HMBOX1: variants seen among roughly 807,000 people sequenced by gnomAD.
The protein encoded by HMBOX1 is homeobox-containing protein 1.
HMBOX1 carries 14 observed loss-of-function variants against 54.5 expected under a neutral mutation model. The ratio of observed to expected loss-of-function variants is 0.26; its 90% CI spans 0.17 to 0.40. The LOEUF (loss-of-function observed/expected upper bound fraction) is 0.40. Ranked by LOEUF, HMBOX1 falls within the 10% of genes least tolerant of loss-of-function variation. The pLI is 1.00. For missense variants in HMBOX1, 332 were observed against 514.4 expected (o/e 0.65, Z 3.43); for synonymous variants, 160 against 181.0 (o/e 0.88, Z 0.93).
chr8:28,986,581 G>T (rs748734716), intron 4 of HMBOX1, among the ~76,000 whole-genome samples: 1 of 152,168 alleles, frequency 6.6e-6, no homozygotes, highest in Non-Finnish European at 1.5e-5. Context: ...GCTTCTACAT[G>T]AAAGATGTAA....
chr8:29,045,347 G>T lies in HMBOX1; in HGVS notation c.852-14G>T. On this transcript the variant is annotated splice_polypyrimidine_tract_variant and intron_variant, in intron 6 of 9. Transcript: ENST00000287701. Reference sequence around the variant, plus strand: ...AAAATAAAAACTTTGTGTCTGTATCGGTTGCCTCTGCAGTTACTTCAATGA... The same window carrying T: ...AAAATAAAAACTTTGTGTCTGTATCTGTTGCCTCTGCAGTTACTTCAATGA... 1.2e-6 allele frequency: 2 copies of T among 1,606,974 alleles called. No homozygotes were observed. The highest frequency in any genetic ancestry group is 1.1e-5 in the South Asian group (1 of 90,898).
At chr8:28,994,760 G>A (rs1310993978) in intron 4 of HMBOX1, among the ~76,000 whole-genome samples, 1 of 152,102 alleles carries the variant, frequency 6.6e-6, no homozygotes, top group African/African-American at 2.4e-5. Flanking sequence ...AAGTTATTAT[G>A]AAAAATGACA....
chr8:28,896,454 C>G (rs1430213447), intron 1 of HMBOX1, among the ~76,000 whole-genome samples: 1 of 124,938 alleles, frequency 8.0e-6, no homozygotes, highest in African/African-American at 2.6e-5. Context: ...TGATTCTCCT[C>G]CTCTTCATAA....
At chr8:28,921,804 C>T (rs1309886665) in intron 1 of HMBOX1, among the ~76,000 whole-genome samples, 1 of 152,114 alleles carries the variant, frequency 6.6e-6, no homozygotes, top group African/African-American at 2.4e-5. Context: ...AAGTAAAATA[C>T]AAAAGCTCTA....
At chr8:28,998,252 A>G (rs1251336687) in intron 4 of HMBOX1, among the ~76,000 whole-genome samples, 1 of 152,018 alleles carries the variant, frequency 6.6e-6, no homozygotes, top group Non-Finnish European at 1.5e-5. Context: ...AAAGTGGTAT[A>G]TTGATATCTC....
intron 6 of HMBOX1, among the ~76,000 whole-genome samples, chr8:29,025,153 A>G (rs977588523): frequency 2.0e-5 from 3 of 152,224 alleles, no homozygotes; most frequent in African/African-American, 7.2e-5. Context: ...AAATGGATAA[A>G]AAGTGATAGA....
intron 5 of HMBOX1, chr8:29,009,608 TC>T (rs1833964363): frequency 8.6e-7 from 1 of 1,169,064 alleles, no homozygotes; most frequent in Admixed American, 3.5e-5. Flanking sequence ...CTGTACCATA[TC>T]CAGTGATCTC....
intron 8 of HMBOX1, 113 bp downstream of exon 8, chr8:29,047,566 T>C (rs966999200): frequency 1.8e-4 from 30 of 163,786 alleles, no homozygotes; most frequent in Middle Eastern, 8.2e-4. Context: ...TAACTTCTCT[T>C]TTTTTTTTTT....
chr8:28,959,006 A>T (rs912031577), intron 1 of HMBOX1, among the ~76,000 whole-genome samples: 4 of 151,978 alleles, frequency 2.6e-5, no homozygotes, highest in Non-Finnish European at 5.9e-5. Context: ...ACATTCTAAG[A>T]CTCCCAGTAG....
intron 4 of HMBOX1, among the ~76,000 whole-genome samples, chr8:29,003,513 TATATGC>T (rs1177353911): frequency 1.4e-5 from 2 of 141,102 alleles, no homozygotes; most frequent in Non-Finnish European, 3.1e-5. Context: ...TATATATATA[TATATGC>T]ATGCATATTT....
At chr8:28,923,780 AT>A (rs1817935558) in intron 1 of HMBOX1, among the ~76,000 whole-genome samples, 1 of 151,544 alleles carries the variant, frequency 6.6e-6, no homozygotes, top group Non-Finnish European at 1.5e-5. Context: ...TTTCTTTTGT[AT>A]TTTTTGTTTT....
At chr8:29,025,196 A>T (rs1189485497) in intron 6 of HMBOX1, among the ~76,000 whole-genome samples, 1 of 152,198 alleles carries the variant, frequency 6.6e-6, no homozygotes, top group Non-Finnish European at 1.5e-5. Context: ...AAACAATCTA[A>T]CCTAGTCACA....
At chr8:29,044,434 T>C (rs1169627715) in intron 6 of HMBOX1, among the ~76,000 whole-genome samples, 3 of 152,142 alleles carry the variant, frequency 2.0e-5, no homozygotes, top group Non-Finnish European at 4.4e-5. Context: ...GTCTGATGGG[T>C]CTGAGAATTC....
chr8:29,023,266 T>C (rs1801477752), intron 6 of HMBOX1, among the ~76,000 whole-genome samples: 1 of 152,172 alleles, frequency 6.6e-6, no homozygotes, highest in East Asian at 1.9e-4. Context: ...TGCATAGAGA[T>C]AGAAATTTAT....
intron 4 of HMBOX1, among the ~76,000 whole-genome samples, chr8:29,005,908 T>C (rs1833383099): frequency 6.6e-6 from 1 of 152,172 alleles, no homozygotes; most frequent in Admixed American, 6.6e-5. Flanking sequence ...TCCATGTGGT[T>C]TCATATAGTG....
chr8:28,974,987 C>A (rs78219367), intron 3 of HMBOX1, among the ~76,000 whole-genome samples: 3,014 of 152,208 alleles, frequency 0.02, 90 homozygotes, highest in African/African-American at 0.068. Context: ...GAAAAGGAAG[C>A]AATGTCATTT....
chr8:28,978,999 G>C (rs1309754603), intron 3 of HMBOX1, among the ~76,000 whole-genome samples: 4 of 152,122 alleles, frequency 2.6e-5, no homozygotes, highest in African/African-American at 4.8e-5. Context: ...ATTTTCTGTC[G>C]TCAAATTGAT....
At chr8:28,894,002 C>G (rs1438565631) in intron 1 of HMBOX1, among the ~76,000 whole-genome samples, 1 of 152,184 alleles carries the variant, frequency 6.6e-6, no homozygotes, top group East Asian at 1.9e-4. Flanking sequence ...TGGCATACCA[C>G]TCAACTTTTT....
At chr8:28,942,240 C>T (rs1339598816) in intron 1 of HMBOX1, among the ~76,000 whole-genome samples, 1 of 152,216 alleles carries the variant, frequency 6.6e-6, no homozygotes, top group East Asian at 1.9e-4. Flanking sequence ...CTGCTCACCC[C>T]TTCACCCGCT....
Sources: allele counts gnomAD v4.1 joint callset (sites outside exome capture counted in the v4.1 genomes callset), GRCh38; gene constraint gnomAD v4.1.1; transcripts MANE v1.5; gene names NCBI Gene and HGNC (gene_info 2026-07-23, HGNC 2026-07-21).